USP43: variants seen among roughly 807,000 people sequenced by gnomAD.
USP43 encodes the protein ubiquitin carboxyl-terminal hydrolase 43.
A neutral mutation model predicts 90.7 loss-of-function variants in USP43; 33 were observed. That is an observed-to-expected ratio of 0.36 (90% confidence interval 0.28 to 0.49). USP43 has a LOEUF of 0.49. Among genes scored for constraint, USP43 ranks in the 20% least tolerant of loss-of-function variants. The pLI is 0.98. For synonymous variants in USP43, 598 were observed against 615.8 expected (o/e 0.97, Z 0.43); for missense variants, 1,274 against 1,476.4 (o/e 0.86, Z 2.25).
chr17:9,654,808 C>A (rs1054449473), intron 1 of USP43, among the ~76,000 whole-genome samples: 1 of 151,726 alleles, frequency 6.6e-6, no homozygotes, highest in Non-Finnish European at 1.5e-5. Context: ...TGCAATCTCT[C>A]CTCACTGCAA....
At chr17:9,711,892 T>G in intron 13 of USP43, 76 bp from the exon 14 acceptor site, 1 of 1,416,520 alleles carries the variant, frequency 7.1e-7, no homozygotes, top group East Asian at 2.7e-5. Flanking sequence ...AATGGGGATC[T>G]GGTTGTGAGA....
At chr17:9,658,346 C>A (rs1235366752) in intron 2 of USP43, among the ~76,000 whole-genome samples, 2 of 151,798 alleles carry the variant, frequency 1.3e-5, no homozygotes, top group Non-Finnish European at 2.9e-5. Context: ...TTTTTTCTCC[C>A]TTAAAATGTC....
chr17:9,682,549 G>C (rs1914352767), intron 6 of USP43, among the ~76,000 whole-genome samples: 1 of 152,198 alleles, frequency 6.6e-6, no homozygotes, highest in Admixed American at 6.5e-5. Flanking sequence ...CATCCAGCCT[G>C]GGGGACAGAG....
chr17:9,712,228 G>T (rs1030622840), intron 14 of USP43, 96 bp downstream of exon 14: 6 of 1,366,410 alleles, frequency 4.4e-6, no homozygotes, highest in Non-Finnish European at 5.8e-6. Context: ...AGTCTTGAAT[G>T]GAAAGGGTCC....
chr17:9,726,094 G>A (rs557042726), intron 14 of USP43, among the ~76,000 whole-genome samples: 3 of 152,196 alleles, frequency 2.0e-5, no homozygotes, highest in Non-Finnish European at 2.9e-5. Flanking sequence ...AACCTGGAAA[G>A]TCACATCCTT....
intron 2 of USP43, among the ~76,000 whole-genome samples, chr17:9,661,861 C>T (rs115997188): frequency 4.3e-4 from 65 of 152,052 alleles, no homozygotes; most frequent in African/African-American, 1.5e-3. Context: ...CAGTGCTGTT[C>T]AGTGTCATTG....
rs147181203 is a variant in USP43, at chr17:9,668,078, A to G, written c.740+1327A>G. Among the ~76,000 whole-genome samples, 548 of 152,200 alleles carry G rather than the reference A, an allele frequency of 3.6e-3. 4 individuals are homozygous for G. Among genetic ancestry groups the G allele is most frequent in the African/African-American group, 0.013 (530 of 41,506 alleles). Reference sequence around the variant, plus strand: ...ACTGTGATTCTCTGCTGCTCCTTCAATTTCACAGGAACTCTGTTCTCTATT... The same window carrying G: ...ACTGTGATTCTCTGCTGCTCCTTCAGTTTCACAGGAACTCTGTTCTCTATT... On this transcript the variant is annotated intron_variant, in intron 3 of 14. Transcript: ENST00000285199.
intron 2 of USP43, among the ~76,000 whole-genome samples, chr17:9,658,910 T>A (rs778161796): frequency 2.6e-5 from 4 of 152,190 alleles, no homozygotes; most frequent in Non-Finnish European, 4.4e-5. Flanking sequence ...AATGCTCATG[T>A]AGTCTTTAGA....
In USP43 at chr17:9,729,228, T is replaced by G; in HGVS notation, c.*238T>G. The G allele has an allele frequency of 3.0e-6, 1 of 338,174 alleles. No homozygotes were observed. The highest frequency in any genetic ancestry group is 5.2e-6 in the Non-Finnish European group (1 of 190,628). 20.9% of individuals were successfully genotyped at this position (338,174 alleles called of 1,614,324 possible). ...GGGTGCTTTGCTACAGTTTGGCCACTAGAGGATGCTATTGGGTCAGTATTA... is the reference window on the plus strand; with the variant it reads ...GGGTGCTTTGCTACAGTTTGGCCACGAGAGGATGCTATTGGGTCAGTATTA... On this transcript the variant is annotated 3_prime_UTR_variant, in exon 15 of 15. Coordinates refer to ENST00000285199, the MANE Select transcript of USP43 (RefSeq NM_153210.5).
intron 14 of USP43, among the ~76,000 whole-genome samples, chr17:9,720,629 C>T (rs1232170962): frequency 6.6e-6 from 1 of 152,038 alleles, no homozygotes. Flanking sequence ...GCTGGGATTA[C>T]AGGCATGCAC....
rs2152006494 is a variant in USP43, at chr17:9,729,318, T to G, written c.*328T>G. 1 of 187,828 alleles carries G rather than the reference T, an allele frequency of 5.3e-6. No homozygotes were observed. Among genetic ancestry groups the G allele is most frequent in the South Asian group, 1.9e-4 (1 of 5,162 alleles). The allele number at this position is 187,828 out of a possible 1,614,324, so 11.6% of individuals were successfully genotyped here. A position where few individuals can be genotyped will look rare whatever the true frequency, so the allele number is the denominator to read the frequency against. The stretch of plus-strand genomic sequence containing the variant: ...TGGATGTGGGCAAACAAGATGAGGC[T>G]GGTTTAATAAGAATCTTCAATGTCA... On this transcript the variant is annotated 3_prime_UTR_variant, in exon 15 of 15. Transcript: ENST00000285199.
chr17:9,680,134 G>A, intron 5 of USP43, 97 bp from the exon 6 acceptor site: 4 of 1,391,714 alleles, frequency 2.9e-6, no homozygotes, highest in Non-Finnish European at 3.9e-6. Context: ...GAAGGAAAAG[G>A]TGAAAAATGG....
At chr17:9,651,773 C>A (rs1013527035) in intron 1 of USP43, among the ~76,000 whole-genome samples, 1 of 152,118 alleles carries the variant, frequency 6.6e-6, no homozygotes, top group Non-Finnish European at 1.5e-5. Flanking sequence ...TTCTTCACCA[C>A]TCTTGTGTTT....
intron 9 of USP43, among the ~76,000 whole-genome samples, chr17:9,695,615 G>A (rs1432689172): frequency 6.6e-6 from 1 of 152,166 alleles, no homozygotes; most frequent in Admixed American, 6.5e-5. Context: ...TTACAGGCAT[G>A]AGCCACCACT....
intron 12 of USP43, among the ~76,000 whole-genome samples, chr17:9,707,324 C>G (rs1163292213): frequency 6.6e-6 from 1 of 152,114 alleles, no homozygotes; most frequent in Non-Finnish European, 1.5e-5. Flanking sequence ...TTGGTCCATT[C>G]TATTCCAGAA....
rs555142926 is a variant in USP43 at position 9,649,242 on chromosome 17, G to A, written c.504+3106G>A. 1.2e-4 allele frequency among the ~76,000 whole-genome samples: 19 copies of A among 152,258 alleles called. No homozygotes were observed. The South Asian group carries it at 3.7e-3, about 30-fold the overall frequency. On this transcript the variant is annotated intron_variant, in intron 1 of 14. Transcript: ENST00000285199. ...GAATTGCTTGAACCTGGGAGGCGGA[G>A]GTTGCAGTGAGCCGAGATCGTGCCA...
intron 14 of USP43, among the ~76,000 whole-genome samples, chr17:9,714,086 A>T (rs896530219): frequency 6.6e-6 from 1 of 152,322 alleles, no homozygotes; most frequent in East Asian, 1.9e-4. Context: ...TTGTGTTCCT[A>T]TGAGAATCTA....
chr17:9,681,057 TAA>T (rs1914140751), intron 6 of USP43, among the ~76,000 whole-genome samples: 1 of 132,912 alleles, frequency 7.5e-6, no homozygotes, highest in African/African-American at 2.9e-5. Context: ...ATAATATATA[TAA>T]AATGTATATT....
chr17:9,656,568 G>A lies in USP43; in HGVS notation c.636+34G>A, dbSNP rs373838191. The A allele has an allele frequency of 1.9e-6, 3 of 1,565,836 alleles. No homozygotes were observed. The African/African-American group carries it at 4.1e-5, about 22-fold the overall frequency. On this transcript the variant is annotated intron_variant, in intron 2 of 14. Coordinates refer to ENST00000285199, the MANE Select transcript of USP43 (RefSeq NM_153210.5). ...CTCTCAAAACAACACAATGTACTGG[G>A]TTTTCTTTTTTTCTTTTAAATATTG... is the stretch of plus-strand genomic sequence containing the variant.
Sources: gnomAD v4.1 joint callset for allele counts (sites outside exome capture counted in the v4.1 genomes callset) on GRCh38, gnomAD v4.1.1 for gene constraint, MANE v1.5 for transcripts, NCBI Gene and HGNC (gene_info 2026-07-23, HGNC 2026-07-21) for gene names.